The following DNM3 variants were observed in gnomAD, a reference collection of about 807,000 sequenced individuals.
DNM3 encodes the protein dynamin-3.
In DNM3, 47 loss-of-function variants were observed where a neutral mutation model predicts 101.6. The observed-to-expected ratio is 0.46, with a 90% CI of 0.37 to 0.59. DNM3 has a LOEUF of 0.59. DNM3 is among the 20% of genes least tolerant of loss of function. The probability of loss-of-function intolerance (pLI) is 0.00; values close to 1 mark genes in which losing one functional copy is unlikely to be tolerated. For missense variants in DNM3, 849 were observed against 1,085.7 expected, an observed-to-expected ratio of 0.78 and a Z score of 3.06; for synonymous variants, 385 against 387.9, an observed-to-expected ratio of 0.99 and a Z score of 0.09.
At chr1:171,910,161 G>A (rs568505265) in intron 1 of DNM3, among the ~76,000 whole-genome samples, 1 of 152,308 alleles carries the variant, frequency 6.6e-6, no homozygotes, top group South Asian at 2.1e-4. Flanking sequence ...AAAGTTGTAA[G>A]TGTTTATGTT....
At chr1:172,028,932 A>G (rs975753808) in intron 4 of DNM3, among the ~76,000 whole-genome samples, 2 of 152,156 alleles carry the variant, frequency 1.3e-5, no homozygotes, top group Non-Finnish European at 2.9e-5. Flanking sequence ...TACCAACCAA[A>G]AAAAAGCCCA....
At chr1:172,198,312 G>C (rs1467678706) in intron 14 of DNM3, among the ~76,000 whole-genome samples, 1 of 152,094 alleles carries the variant, frequency 6.6e-6, no homozygotes, top group African/African-American at 2.4e-5. Flanking sequence ...GCTGGATTCT[G>C]TTTGCAAGTA....
intron 12 of DNM3, among the ~76,000 whole-genome samples, chr1:172,086,410 G>C (rs1167910317): frequency 6.6e-6 from 1 of 152,178 alleles, no homozygotes; most frequent in Non-Finnish European, 1.5e-5. Flanking sequence ...TAAAAGAACA[G>C]TCTAAAATTG....
intron 14 of DNM3, chr1:172,137,762 TA>T (rs1425894897): frequency 6.6e-6 from 1 of 152,180 alleles, no homozygotes; most frequent in East Asian, 1.9e-4. Flanking sequence ...ATGAACTAAA[TA>T]AAAGTTGACA....
intron 13 of DNM3, among the ~76,000 whole-genome samples, chr1:172,104,897 G>T (rs2147901717): frequency 6.6e-6 from 1 of 152,284 alleles, no homozygotes; most frequent in African/African-American, 2.4e-5. Context: ...AATCTGCAAA[G>T]TCTAGTTCTG....
At chr1:172,188,035 C>T (rs192453597) in intron 14 of DNM3, among the ~76,000 whole-genome samples, 16 of 152,052 alleles carry the variant, frequency 1.1e-4, no homozygotes, top group Non-Finnish European at 7.4e-5. Context: ...CTACTAAGAA[C>T]AAAACTCAAT....
At chr1:172,093,694 A>G in intron 13 of DNM3, 1 of 1,605,876 alleles carries the variant, frequency 6.2e-7, no homozygotes, top group Non-Finnish European at 8.5e-7. Context: ...TTGCTATTTC[A>G]GGGAACCAAT....
chr1:171,912,156 T>C (rs962470581), intron 1 of DNM3, among the ~76,000 whole-genome samples: 1 of 152,192 alleles, frequency 6.6e-6, no homozygotes, highest in Non-Finnish European at 1.5e-5. Flanking sequence ...TCCTGAGTTT[T>C]ATTTTTTGTT....
intron 12 of DNM3, among the ~76,000 whole-genome samples, chr1:172,089,583 C>A (rs1486898940): frequency 1.3e-5 from 2 of 152,156 alleles, no homozygotes; most frequent in African/African-American, 4.8e-5. Flanking sequence ...CTTCAAGTAG[C>A]TAAATACATC....
intron 1 of DNM3, among the ~76,000 whole-genome samples, chr1:171,846,425 C>G (rs1198589556): frequency 1.3e-5 from 2 of 152,054 alleles, no homozygotes; most frequent in African/African-American, 4.8e-5. Flanking sequence ...GGGCAGTCAC[C>G]CAGAACCTTG....
At chr1:172,387,804 T>TA in intron 19 of DNM3, among the ~76,000 whole-genome samples, 1 of 152,186 alleles carries the variant, frequency 6.6e-6, no homozygotes, top group Non-Finnish European at 1.5e-5. Flanking sequence ...AAGGATCAGA[T>TA]TATACTAACT....
intron 10 of DNM3, among the ~76,000 whole-genome samples, chr1:172,055,452 C>T (rs540781733): frequency 5.3e-5 from 8 of 152,000 alleles, no homozygotes; most frequent in East Asian, 3.9e-4. Context: ...TGCACACCAT[C>T]GTTAATCTAC....
chr1:171,872,620 T>C (rs1250012534), intron 1 of DNM3, among the ~76,000 whole-genome samples: 1 of 152,204 alleles, frequency 6.6e-6, no homozygotes, highest in East Asian at 1.9e-4. Flanking sequence ...CCCGCTAGTC[T>C]CTCGGCATGC....
intron 2 of DNM3, among the ~76,000 whole-genome samples, chr1:171,931,130 A>T (rs1466895323): frequency 1.3e-5 from 2 of 152,208 alleles, no homozygotes; most frequent in Non-Finnish European, 2.9e-5. Flanking sequence ...TATGAAAACT[A>T]TAAATTATTG....
chr1:172,088,539 A>G (rs1465816526), intron 12 of DNM3, among the ~76,000 whole-genome samples: 2 of 152,134 alleles, frequency 1.3e-5, no homozygotes, highest in Non-Finnish European at 2.9e-5. Context: ...CAGTTATTAT[A>G]CTAGATGGCT....
At chr1:172,106,148 A>G (rs549676028) in intron 13 of DNM3, among the ~76,000 whole-genome samples, 1 of 152,156 alleles carries the variant, frequency 6.6e-6, no homozygotes, top group South Asian at 2.1e-4. Context: ...ATGATAAAGA[A>G]ATAAATATGG....
intron 14 of DNM3, among the ~76,000 whole-genome samples, chr1:172,134,276 C>T (rs2148104079): frequency 6.6e-6 from 1 of 152,262 alleles, no homozygotes; most frequent in African/African-American, 2.4e-5. Flanking sequence ...AAGTTCTCAT[C>T]ATTAAGATCA....
Position 172,409,499 on chromosome 1 carries a change from A to G in DNM3, c.*1658A>G. The G allele has an allele frequency of 1.0e-6, 1 of 984,184 alleles. No homozygotes were observed. The highest frequency in any genetic ancestry group is 1.2e-6 in the Non-Finnish European group (1 of 828,810). The allele number at this position is 984,184 out of a possible 1,614,324, so 61.0% of individuals were successfully genotyped here. Reference sequence around the variant, plus strand: ...AAAAATCAGAAAATACAAGATTTACATAAAGGTCATTTCAACTTTTAAGGT... The same window carrying G: ...AAAAATCAGAAAATACAAGATTTACGTAAAGGTCATTTCAACTTTTAAGGT... On this transcript the variant is annotated 3_prime_UTR_variant, in exon 21 of 21. Transcript: ENST00000627582.
At chr1:172,322,945 G>T (rs192496359) in intron 16 of DNM3, among the ~76,000 whole-genome samples, 1 of 151,980 alleles carries the variant, frequency 6.6e-6, no homozygotes, top group African/African-American at 2.4e-5. Flanking sequence ...AGGGCAAGCC[G>T]GCACACAAAA....
Sources: allele counts gnomAD v4.1 joint callset (sites outside exome capture counted in the v4.1 genomes callset), GRCh38; gene constraint gnomAD v4.1.1; transcripts MANE v1.5; gene names NCBI Gene and HGNC (gene_info 2026-07-23, HGNC 2026-07-21).